The following GLIS3 variants were observed in gnomAD, a reference collection of about 807,000 sequenced individuals.
GLIS3 encodes the protein GLIS family zinc finger 3, also known as zinc finger protein GLIS3.
GLIS3 carries 53 observed loss-of-function variants against 78.6 expected under a neutral mutation model. That is an observed-to-expected ratio of 0.67 (90% CI 0.54 to 0.85). The LOEUF (loss-of-function observed/expected upper bound fraction) is 0.85, where lower values mean the gene tolerates loss of function less well. GLIS3 is among the 40% of genes least tolerant of loss of function. The probability of loss-of-function intolerance (pLI) is 0.00; values close to 1 mark genes in which losing one functional copy is unlikely to be tolerated. For missense variants in GLIS3, 1,703 were observed against 1,231.1 expected, an observed-to-expected ratio of 1.38 and a Z score of -5.74; for synonymous variants, 684 against 509.9, an observed-to-expected ratio of 1.34 and a Z score of -4.60.
At chr9:4,363,691 C>T in the GLIS3 span, among the ~76,000 whole-genome samples, 1 of 152,188 alleles carries the variant, frequency 6.6e-6, no homozygotes, top group Non-Finnish European at 1.5e-5. Flanking sequence ...CAGATAGGCA[C>T]TCAGCAACAT....
the GLIS3 span, chr9:4,490,453 G>C: frequency 3.3e-6 from 1 of 305,940 alleles, no homozygotes. Context: ...AGGAGGAGCC[G>C]GGCGCGCCTG....
intron 1 of GLIS3, among the ~76,000 whole-genome samples, chr9:4,293,560 A>G (rs150791743): frequency 6.6e-6 from 1 of 152,248 alleles, no homozygotes; most frequent in African/African-American, 2.4e-5. Context: ...AGTGGAATCT[A>G]TCGGTCATGC....
rs142827775 is a variant in GLIS3, at chr9:3,866,095, A to C, written c.2298-9911T>G. 2.3e-3 allele frequency among the ~76,000 whole-genome samples: 349 copies of C among 152,272 alleles called. 2 individuals carry two copies. Among genetic ancestry groups the C allele is most frequent in the African/African-American group, 7.9e-3 (327 of 41,540 alleles). ...ACTGTAACCACTCTCAGAAATAACA[A>C]ATGAATGAGAGTAGTATTCTTGCTT... On this transcript the variant is annotated intron_variant, in intron 8 of 10. Transcript: ENST00000381971.
intron 2 of GLIS3, among the ~76,000 whole-genome samples, chr9:4,227,996 T>G (rs536336199): frequency 6.6e-6 from 1 of 152,170 alleles, no homozygotes; most frequent in South Asian, 2.1e-4. Flanking sequence ...TTAGAAAACT[T>G]TGATGAGCCC....
chr9:4,285,224 G>T (rs2130331487), intron 2 of GLIS3, among the ~76,000 whole-genome samples: 1 of 152,040 alleles, frequency 6.6e-6, no homozygotes, highest in Admixed American at 6.5e-5. Context: ...TTTTACGTGG[G>T]GTGCATGCTC....
At chr9:4,393,202 G>A in the GLIS3 span, among the ~76,000 whole-genome samples, 3 of 152,146 alleles carry the variant, frequency 2.0e-5, no homozygotes, top group Admixed American at 1.3e-4. Flanking sequence ...TCCATTTGCT[G>A]TACATACCTG....
At chr9:4,266,230 GCTT>G (rs1160375323) in intron 2 of GLIS3, among the ~76,000 whole-genome samples, 1 of 151,760 alleles carries the variant, frequency 6.6e-6, no homozygotes, top group Non-Finnish European at 1.5e-5. Flanking sequence ...CACTCACCCT[GCTT>G]CTTAACTTTT....
chr9:4,072,267 A>T (rs1827677129), intron 4 of GLIS3, among the ~76,000 whole-genome samples: 2 of 152,178 alleles, frequency 1.3e-5, no homozygotes, highest in African/African-American at 4.8e-5. Flanking sequence ...GTATAGGCTC[A>T]CATACAACTC....
At chr9:4,415,173 G>T in the GLIS3 span, among the ~76,000 whole-genome samples, 1 of 152,190 alleles carries the variant, frequency 6.6e-6, no homozygotes, top group African/African-American at 2.4e-5. Flanking sequence ...AATCCATTGT[G>T]TAAATGGATT....
chr9:3,997,284 T>C (rs552788523), intron 4 of GLIS3, among the ~76,000 whole-genome samples: 158 of 152,152 alleles, frequency 1.0e-3, no homozygotes, highest in African/African-American at 3.8e-3. Flanking sequence ...AGGCGGAGGT[T>C]GAGGTAAGCC....
At chr9:4,039,637 T>C (rs4741875) in intron 4 of GLIS3, among the ~76,000 whole-genome samples, 43,048 of 152,200 alleles carry the variant, frequency 0.28, 7,201 homozygotes, top group Middle Eastern at 0.46. Flanking sequence ...CACTATTTAG[T>C]GCCAAAGCCT....
At chr9:4,407,528 T>C in the GLIS3 span, among the ~76,000 whole-genome samples, 1 of 152,130 alleles carries the variant, frequency 6.6e-6, no homozygotes, top group Non-Finnish European at 1.5e-5. Flanking sequence ...GCGCCTGTAG[T>C]CCCAGCTACT....
chr9:3,951,454 G>C (rs1453173773), intron 4 of GLIS3, among the ~76,000 whole-genome samples: 2 of 151,774 alleles, frequency 1.3e-5, no homozygotes, highest in East Asian at 3.9e-4. Context: ...TGAAAGCAGG[G>C]AGTGCTCCTT....
chr9:4,183,588 C>G (rs1338986997), intron 2 of GLIS3, among the ~76,000 whole-genome samples: 2 of 152,172 alleles, frequency 1.3e-5, no homozygotes, highest in African/African-American at 4.8e-5. Flanking sequence ...GTCCCTCTAC[C>G]AGTCAAGACC....
At chr9:4,282,429 C>A (rs1004133438) in intron 2 of GLIS3, among the ~76,000 whole-genome samples, 14 of 152,174 alleles carry the variant, frequency 9.2e-5, no homozygotes, top group African/African-American at 3.4e-4. Flanking sequence ...AGTTGAAGTC[C>A]TGAATAGAAC....
intron 4 of GLIS3, among the ~76,000 whole-genome samples, chr9:3,994,786 G>A (rs1039573604): frequency 1.3e-5 from 2 of 152,128 alleles, no homozygotes; most frequent in East Asian, 1.9e-4. Flanking sequence ...GAAATGTTCC[G>A]AGAAACCACT....
At chr9:4,322,779 T>G (rs964165259) in intron 2 of GLIS3, among the ~76,000 whole-genome samples, 6 of 152,230 alleles carry the variant, frequency 3.9e-5, no homozygotes, top group African/African-American at 1.4e-4. Context: ...TCTTGTAAAT[T>G]TGTTTAAGTT....
intron 2 of GLIS3, among the ~76,000 whole-genome samples, chr9:4,317,310 G>A (rs990184310): frequency 6.6e-6 from 1 of 152,166 alleles, no homozygotes; most frequent in African/African-American, 2.4e-5. Context: ...TGGCTTCTCA[G>A]TGAAATCTTC....
chr9:4,027,220 A>G (rs948345316), intron 4 of GLIS3, among the ~76,000 whole-genome samples: 3 of 152,218 alleles, frequency 2.0e-5, no homozygotes, highest in African/African-American at 7.2e-5. Context: ...TAACTGAACA[A>G]CGCTTAGCCA....
Sources: allele counts gnomAD v4.1 joint callset (sites outside exome capture counted in the v4.1 genomes callset), GRCh38; gene constraint gnomAD v4.1.1; transcripts MANE v1.5; gene names NCBI Gene and HGNC (gene_info 2026-07-23, HGNC 2026-07-21).